PTPRD: variants seen among roughly 807,000 people sequenced by gnomAD.
PTPRD encodes the protein protein tyrosine phosphatase receptor type D, also known as receptor-type tyrosine-protein phosphatase delta.
PTPRD carries 34 observed loss-of-function variants against 214.5 expected under a neutral mutation model. The ratio of observed to expected loss-of-function variants is 0.16; its 90% CI spans 0.12 to 0.21. The LOEUF (loss-of-function observed/expected upper bound fraction) is 0.21. PTPRD is among the 10% of genes least tolerant of loss of function. The pLI is 1.00. For missense variants in PTPRD, 2,545 were observed against 2,398.7 expected (o/e 1.06, Z -1.27); for synonymous variants, 1,128 against 845.7 (o/e 1.33, Z -5.79).
intron 8 of PTPRD, among the ~76,000 whole-genome samples, chr9:9,426,409 G>A (rs1056380576): frequency 4.6e-5 from 7 of 152,194 alleles, no homozygotes; most frequent in African/African-American, 1.4e-4. Flanking sequence ...AAGCAGCTGG[G>A]AAGCTCGAAC....
chr9:8,753,395 C>T (rs78891376), intron 11 of PTPRD, among the ~76,000 whole-genome samples: 12 of 152,110 alleles, frequency 7.9e-5, no homozygotes, highest in African/African-American at 2.7e-4. Context: ...CAGGTTCTGC[C>T]GGGGGATAAA....
intron 10 of PTPRD, among the ~76,000 whole-genome samples, chr9:9,069,875 G>C (rs1416994065): frequency 6.6e-6 from 1 of 152,186 alleles, no homozygotes; most frequent in Non-Finnish European, 1.5e-5. Context: ...TCTAGCTATT[G>C]TGTAATGTTA....
intron 14 of PTPRD, among the ~76,000 whole-genome samples, chr9:8,616,072 AGTT>A (rs1333007380): frequency 3.3e-5 from 5 of 152,186 alleles, no homozygotes; most frequent in Non-Finnish European, 7.4e-5. Context: ...TATAAAGGAG[AGTT>A]AGCTAATCAC....
At chr9:10,352,755 A>G (rs139558324) in intron 2 of PTPRD, among the ~76,000 whole-genome samples, 350 of 152,148 alleles carry the variant, frequency 2.3e-3, no homozygotes, top group African/African-American at 8.1e-3. Flanking sequence ...ACTCACTATA[A>G]TATTTAAATC....
At chr9:9,303,441 C>T (rs1348854530) in intron 9 of PTPRD, among the ~76,000 whole-genome samples, 1 of 152,056 alleles carries the variant, frequency 6.6e-6, no homozygotes, top group Non-Finnish European at 1.5e-5. Flanking sequence ...ATGTTTCTCA[C>T]TTTTACAACA....
rs200499691 is a variant in PTPRD, at chr9:8,633,371, C to T, written c.298G>A (p.Ala100Thr). The T allele has an allele frequency of 6.2e-7, 1 of 1,612,872 alleles. No individual in the cohort carries two copies. Among genetic ancestry groups the T allele is most frequent in the Non-Finnish European group, 8.5e-7 (1 of 1,179,124 alleles). The change falls in exon 14 of 46, where the codon GCC becomes ACC. Residue 100 changes from alanine (A) to threonine (T), a missense_variant. Physicochemically the swap from Ala to Thr is moderately conservative, Grantham distance 58. Transcript: ENST00000381196. The part of the protein sequence containing the change: ...PRDEAIYECV[A>T]SNNVGEISVS... ...CTTATTTCTCCCACATTATTTGAGG[C>T]CACACATTCATAAATGGCCTCATCC...
chr9:8,713,858 C>T, intron 12 of PTPRD: 1 of 1,295,964 alleles, frequency 7.7e-7, no homozygotes, highest in Non-Finnish European at 1.1e-6. Flanking sequence ...GGCCCTCGCC[C>T]GGGTGCGCCC....
chr9:9,523,250 C>T (rs1459290931), intron 8 of PTPRD, among the ~76,000 whole-genome samples: 1 of 152,010 alleles, frequency 6.6e-6, no homozygotes, highest in African/African-American at 2.4e-5. Flanking sequence ...TATTTAATTA[C>T]TGGTAAATTT....
chr9:9,919,201 A>G (rs1313738606), intron 5 of PTPRD, among the ~76,000 whole-genome samples: 1 of 152,092 alleles, frequency 6.6e-6, no homozygotes, highest in African/African-American at 2.4e-5. Flanking sequence ...TACTTTTCAT[A>G]CTGATTTAGC....
intron 11 of PTPRD, among the ~76,000 whole-genome samples, chr9:8,765,626 G>C (rs2094681753): frequency 6.6e-6 from 1 of 152,210 alleles, no homozygotes; most frequent in South Asian, 2.1e-4. Context: ...CCTCGTAACA[G>C]ATCCTAAGCA....
intron 11 of PTPRD, among the ~76,000 whole-genome samples, chr9:8,929,548 C>A (rs149379027): frequency 1.5e-4 from 23 of 151,338 alleles, no homozygotes; most frequent in Non-Finnish European, 3.2e-4. Flanking sequence ...CCGACTTGAT[C>A]GTGGTAGATA....
chr9:10,595,199 T>C (rs553131390), intron 2 of PTPRD, among the ~76,000 whole-genome samples: 2 of 152,038 alleles, frequency 1.3e-5, no homozygotes, highest in East Asian at 1.9e-4. Flanking sequence ...CAGAAATCCA[T>C]AGGACTGTAT....
intron 8 of PTPRD, among the ~76,000 whole-genome samples, chr9:9,417,112 T>C (rs2077220163): frequency 6.6e-6 from 1 of 152,148 alleles, no homozygotes; most frequent in African/African-American, 2.4e-5. Flanking sequence ...TCCCATTCTT[T>C]GGCGGACACA....
chr9:9,276,407 C>G (rs1945654723), intron 9 of PTPRD, among the ~76,000 whole-genome samples: 1 of 151,212 alleles, frequency 6.6e-6, no homozygotes, highest in Non-Finnish European at 1.5e-5. Context: ...AGGCCCGGGG[C>G]AAAGGTCAAC....
At chr9:9,155,118 TGAC>T (rs1321125776) in intron 10 of PTPRD, among the ~76,000 whole-genome samples, 1 of 152,172 alleles carries the variant, frequency 6.6e-6, no homozygotes, top group African/African-American at 2.4e-5. Context: ...TAGTACGAAA[TGAC>T]GATTGCCTTA....
Position 10,490,489 on chromosome 9 carries a change from C to A in PTPRD, c.-600+121909G>T, listed in dbSNP as rs543861926. Among the ~76,000 whole-genome samples the A allele has an allele frequency of 1.8e-4, 28 of 152,142 alleles. No homozygotes were observed. The South Asian group carries it at 5.4e-3, about 29-fold the overall frequency. ...ATTACATGCCCTACTTTTATAGATA[C>A]CTCTCTTCTTTCCTTCTCAAATCAG... On this transcript the variant is annotated intron_variant, in intron 2 of 45. Coordinates refer to ENST00000381196, the MANE Select transcript of PTPRD (RefSeq NM_002839.4).
intron 9 of PTPRD, among the ~76,000 whole-genome samples, chr9:9,267,233 C>T (rs768146109): frequency 2.0e-5 from 3 of 151,074 alleles, no homozygotes; most frequent in Non-Finnish European, 4.4e-5. Context: ...AGAGACATTA[C>T]AATTGGTATA....
chr9:9,008,390 G>C (rs960819391), intron 11 of PTPRD, among the ~76,000 whole-genome samples: 2 of 151,650 alleles, frequency 1.3e-5, no homozygotes, highest in East Asian at 3.9e-4. Context: ...ACCACACCCG[G>C]CTAATTTTTT....
chr9:9,154,725 A>G (rs2154490892), intron 10 of PTPRD, among the ~76,000 whole-genome samples: 1 of 152,288 alleles, frequency 6.6e-6, no homozygotes, highest in South Asian at 2.1e-4. Flanking sequence ...CTCCTAAAAC[A>G]GCAACAGGTA....
Sources: allele counts gnomAD v4.1 joint callset (sites outside exome capture counted in the v4.1 genomes callset), GRCh38; gene constraint gnomAD v4.1.1; transcripts MANE v1.5; gene names NCBI Gene and HGNC (gene_info 2026-07-23, HGNC 2026-07-21).